Variants in BCLAF1 observed in about 807,000 individuals in gnomAD.
BCLAF1 encodes BCL2 associated transcription factor 1.
In BCLAF1, 10 loss-of-function variants were observed where a neutral mutation model predicts 99.5. The observed-to-expected ratio is 0.10, with a 90% CI of 0.06 to 0.17. The LOEUF (loss-of-function observed/expected upper bound fraction) is 0.17. Ranked by LOEUF, BCLAF1 falls within the 10% of genes least tolerant of loss-of-function variation. BCLAF1 has a pLI of 1.00. For synonymous variants in BCLAF1, 255 were observed against 370.9 expected, an observed-to-expected ratio of 0.69 and a Z score of 3.59; for missense variants, 636 against 1,105.8, an observed-to-expected ratio of 0.58 and a Z score of 6.02.
intron 1 of BCLAF1, among the ~76,000 whole-genome samples, 153 bp downstream of exon 1, chr6:136,289,560 G>C (rs1169275289): frequency 1.3e-5 from 2 of 152,332 alleles, no homozygotes; most frequent in South Asian, 2.1e-4. Flanking sequence ...AAACCTGAGA[G>C]AAGCTAACGA....
intron 6 of BCLAF1, 81 bp downstream of exon 6, chr6:136,275,451 G>C (rs558838158): frequency 1.5e-6 from 2 of 1,316,268 alleles, no homozygotes; most frequent in East Asian, 2.5e-5. Context: ...TGGGGTACAT[G>C]AATTATTAAG....
chr6:136,272,944 G>A, intron 7 of BCLAF1, 138 bp downstream of exon 7: 1 of 548,758 alleles, frequency 1.8e-6, no homozygotes, highest in East Asian at 3.1e-5. Context: ...TCAAGACTTT[G>A]AAATATATTT....
rs757136688 is a variant in BCLAF1, at chr6:136,278,699, T to A, written c.182A>T (p.Tyr61Phe). 2 of 1,612,888 alleles carry A rather than the reference T, an allele frequency of 1.2e-6. No homozygotes were observed. The highest frequency in any genetic ancestry group is 3.4e-5 in the Admixed American group (2 of 59,680). ...RMYSRDYRRD[Y>F]RNNRGMRRPY... ...TCGTCTCATTCCTCTATTATTTCTG[T>A]AATCGCGACGATAATCTCTAGAATA... Residue 61 changes from tyrosine (Y) to phenylalanine (F), a missense_variant, in exon 4 of 13, where the codon TAC (tyrosine) becomes TTC (phenylalanine). By Grantham distance (22) the Tyr-to-Phe change is conservative. Around this residue, in one of 9 missense-constraint regions of BCLAF1, gnomAD observed 81 missense variants for 132.5 expected, o/e 0.61. Transcript: ENST00000531224.
At chr6:136,272,689 A>G (rs1264941961) in intron 7 of BCLAF1, among the ~76,000 whole-genome samples, 1 of 152,004 alleles carries the variant, frequency 6.6e-6, no homozygotes, top group Non-Finnish European at 1.5e-5. Flanking sequence ...GAAGAGACAA[A>G]GTCAGGATTT....
chr6:136,266,304 C>T (rs1401738911), intron 11 of BCLAF1, among the ~76,000 whole-genome samples: 5 of 152,086 alleles, frequency 3.3e-5, no homozygotes, highest in African/African-American at 1.2e-4. Context: ...GTCTCTGAAG[C>T]ATAAATTCTC....
intron 1 of BCLAF1, among the ~76,000 whole-genome samples, chr6:136,289,372 G>A (rs939280183): frequency 1.3e-5 from 2 of 152,092 alleles, no homozygotes; most frequent in African/African-American, 4.8e-5. Flanking sequence ...CGTTCAGTCG[G>A]GCGCGCGCAG....
chr6:136,284,612 A>C (rs1342117392), intron 1 of BCLAF1, among the ~76,000 whole-genome samples: 1 of 152,198 alleles, frequency 6.6e-6, no homozygotes, highest in Non-Finnish European at 1.5e-5. Flanking sequence ...TGATCCTGAT[A>C]ATCTCATGAG....
rs1033657869 is a variant in BCLAF1, at chr6:136,273,527, C to T, written c.1853-340G>A. ...TGCTCTAATACCTTGCCAATATGAACCAATGACATTACTTCAAGTAATCAT... is the reference window on the plus strand; with the variant it reads ...TGCTCTAATACCTTGCCAATATGAATCAATGACATTACTTCAAGTAATCAT... On this transcript the variant is annotated intron_variant, in intron 6 of 12. Coordinates refer to ENST00000531224, the MANE Select transcript of BCLAF1 (RefSeq NM_014739.3). 3 of 175,468 alleles carry T rather than the reference C, an allele frequency of 1.7e-5. No homozygotes were observed. The Admixed American group carries it at 1.7e-4, about 10-fold the overall frequency. 10.9% of individuals were successfully genotyped at this position (175,468 alleles called of 1,614,324 possible). A position where few individuals can be genotyped will look rare whatever the true frequency, so the allele number is the denominator to read the frequency against.
rs1780516401 is a variant in BCLAF1 at position 136,257,095 on chromosome 6, T to C, written c.*4015A>G. On this transcript the variant is annotated 3_prime_UTR_variant, in exon 13 of 13. Coordinates refer to ENST00000531224, the MANE Select transcript of BCLAF1 (RefSeq NM_014739.3). ...ATTAAGAAAAATTCGATGTATATTC[T>C]TGGGGGAAAGGCATTAAAGCCTGCT... 1 of 152,240 alleles carries C rather than the reference T, an allele frequency of 6.6e-6. No individual in the cohort carries two copies. The highest frequency in any genetic ancestry group is 6.5e-5 in the Admixed American group (1 of 15,288). 9.4% of individuals were successfully genotyped at this position (152,240 alleles called of 1,614,324 possible).
At chr6:136,279,660 G>A (rs1301020882) in intron 3 of BCLAF1, 103 bp downstream of exon 3, 1 of 1,164,512 alleles carries the variant, frequency 8.6e-7, no homozygotes, top group Non-Finnish European at 1.1e-6. Flanking sequence ...AGGGTTCTTT[G>A]AGAATAAAAT....
At chr6:136,275,474 T>G in intron 6 of BCLAF1, 58 bp downstream of exon 6, 1 of 1,413,692 alleles carries the variant, frequency 7.1e-7, no homozygotes, top group Non-Finnish European at 9.4e-7. Flanking sequence ...TAATTACACA[T>G]TTTTTTATTT....
chr6:136,272,674 G>T (rs556713215), intron 7 of BCLAF1, among the ~76,000 whole-genome samples: 50 of 152,020 alleles, frequency 3.3e-4, no homozygotes, highest in African/African-American at 1.2e-3. Flanking sequence ...TCATCACAAT[G>T]CAACGAAGAG....
intron 1 of BCLAF1, among the ~76,000 whole-genome samples, chr6:136,286,552 C>T (rs1481345874): frequency 1.3e-5 from 2 of 152,140 alleles, no homozygotes; most frequent in Non-Finnish European, 2.9e-5. Flanking sequence ...ATTGGTAACC[C>T]TTGTTTAGGC....
At position 136,268,313 on chromosome 6, in the gene BCLAF1, G is replaced by C. The variant is rs749945097; in HGVS notation, c.2246C>G (p.Ser749Cys). ...TGATGCTGAAGAGGATGAAGATCGA[G>C]AATGATCTTGCTCTCTTTTATGTTT... ...DSKHKREQDH[S>C]RSSSSSASPS... Residue 749 changes from serine (S) to cysteine (C), a missense_variant, in exon 10 of 13, where the codon TCT (serine) becomes TGT (cysteine). This residue lies in a region of BCLAF1 where 180 missense variants were observed against 270.0 expected (regional missense o/e 0.67). Coordinates refer to ENST00000531224, the MANE Select transcript of BCLAF1 (RefSeq NM_014739.3). 6.2e-7 allele frequency: 1 copy of C among 1,606,034 alleles called. No individual in the cohort carries two copies. Among genetic ancestry groups the C allele is most frequent in the Non-Finnish European group, 8.5e-7 (1 of 1,177,002 alleles).
At chr6:136,277,742 G>T (rs1313157760) in intron 4 of BCLAF1, 123 bp downstream of exon 4, 31 of 1,148,284 alleles carry the variant, frequency 2.7e-5, no homozygotes, top group Non-Finnish European at 3.2e-5. Context: ...ATCTTAAAAT[G>T]AAGGAAGTCA....
chr6:136,269,951 C>T (rs1223554672), intron 8 of BCLAF1: 4 of 170,922 alleles, frequency 2.3e-5, no homozygotes, highest in Non-Finnish European at 3.7e-5. Flanking sequence ...CCTTATTATC[C>T]CTCATCCTTC....
chr6:136,262,791 TTAACA>T (rs1257275357), intron 11 of BCLAF1, among the ~76,000 whole-genome samples: 1 of 152,204 alleles, frequency 6.6e-6, no homozygotes, highest in Admixed American at 6.5e-5. Flanking sequence ...CCTTATCACA[TTAACA>T]TACCCAACTC....
At chr6:136,274,745 AAAC>A (rs1714628616) in intron 6 of BCLAF1, among the ~76,000 whole-genome samples, 1 of 152,104 alleles carries the variant, frequency 6.6e-6, no homozygotes, top group African/African-American at 2.4e-5. Flanking sequence ...CACAGAAACA[AAAC>A]AACAAAAACA....
rs1398372624 is a variant in BCLAF1 at position 136,269,454 on chromosome 6, T to C, written c.2202A>G (p.Lys734=). 25 of 1,608,688 alleles carry C rather than the reference T, an allele frequency of 1.6e-5. No homozygotes were observed. The highest frequency in any genetic ancestry group is 2.0e-5 in the Non-Finnish European group (23 of 1,177,868). ...ACAATTACCTGTCATCTTTGTAAGA[T>C]TTGTATTCCTTGTAATCTTTTGGAG... The part of the protein sequence containing the change: ...EKTPKDYKEY[K]SYKDDSKHKR... The change falls in exon 9 of 13, where the codon AAA becomes AAG. Residue 734 remains lysine, a synonymous_variant. Coordinates refer to ENST00000531224, the MANE Select transcript of BCLAF1 (RefSeq NM_014739.3).
Sources: gnomAD v4.1 joint callset for allele counts (sites outside exome capture counted in the v4.1 genomes callset) on GRCh38, gnomAD v4.1.1 for gene constraint, gnomAD v4.1.1 regional missense constraint, MANE v1.5 for transcripts, NCBI Gene and HGNC (gene_info 2026-07-23, HGNC 2026-07-21) for gene names.